Variants in SLC41A2 observed in about 807,000 individuals in gnomAD.
The protein encoded by SLC41A2 is SLC41A1-like 1.
A neutral mutation model predicts 58.3 loss-of-function variants in SLC41A2; 32 were observed. The ratio of observed to expected loss-of-function variants is 0.55; its 90% CI spans 0.41 to 0.74. SLC41A2 has a LOEUF of 0.74. Among genes scored for constraint, SLC41A2 ranks in the 30% least tolerant of loss-of-function variants. SLC41A2 has a pLI of 0.00. For missense variants in SLC41A2, 514 were observed against 680.6 expected, an observed-to-expected ratio of 0.76 and a Z score of 2.72; for synonymous variants, 190 against 235.0, an observed-to-expected ratio of 0.81 and a Z score of 1.75.
intron 4 of SLC41A2, among the ~76,000 whole-genome samples, chr12:104,891,009 C>G (rs192260924): frequency 1.3e-5 from 2 of 152,296 alleles, no homozygotes; most frequent in Admixed American, 1.3e-4. Flanking sequence ...CCCTCCCACA[C>G]TCATCATCTA....
At chr12:104,933,384 T>C (rs780944631) in intron 1 of SLC41A2, among the ~76,000 whole-genome samples, 4 of 152,146 alleles carry the variant, frequency 2.6e-5, no homozygotes, top group Non-Finnish European at 4.4e-5. Context: ...AAACAATAGA[T>C]GTTATCATGG....
At position 104,854,572 on chromosome 12, in the gene SLC41A2, A is replaced by AAC. The variant is rs538154569; in HGVS notation, c.1255+6718_1255+6719insGT. Among the ~76,000 whole-genome samples the AAC allele has an allele frequency of 7.3e-3, 1,083 of 147,854 alleles. 8 individuals carry two copies. The highest frequency in any genetic ancestry group is 0.018 in the African/African-American group (710 of 39,852). On this transcript the variant is annotated intron_variant, in intron 8 of 10. Transcript: ENST00000258538. ...AGCCAGACTCCGTCTCAAAAAAACA[A>AAC]AAAAAAAAAAACACCGCCTTAGATC...
At chr12:104,945,194 A>T (rs2047665233) in intron 1 of SLC41A2, among the ~76,000 whole-genome samples, 2 of 150,904 alleles carry the variant, frequency 1.3e-5, no homozygotes, top group African/African-American at 2.4e-5. Flanking sequence ...ATAAAAATAA[A>T]AAGTAAGAAA....
At chr12:104,862,924 G>A (rs903776847) in intron 7 of SLC41A2, among the ~76,000 whole-genome samples, 3 of 152,112 alleles carry the variant, frequency 2.0e-5, no homozygotes, top group Non-Finnish European at 2.9e-5. Flanking sequence ...CAATTTTGAT[G>A]AATACAATAC....
intron 1 of SLC41A2, among the ~76,000 whole-genome samples, chr12:104,932,920 C>A (rs1236320041): frequency 6.6e-6 from 1 of 151,828 alleles, no homozygotes; most frequent in Non-Finnish European, 1.5e-5. Context: ...TACCTAAAGC[C>A]ATAAAAATTC....
chr12:104,814,455 CTAA>C (rs1239494603), intron 10 of SLC41A2, among the ~76,000 whole-genome samples: 3 of 152,166 alleles, frequency 2.0e-5, no homozygotes, highest in Non-Finnish European at 4.4e-5. Context: ...TTGTAGGGAT[CTAA>C]TGTGTCAATC....
At chr12:104,918,642 A>AAC (rs1173589886) in intron 2 of SLC41A2, among the ~76,000 whole-genome samples, 1 of 151,346 alleles carries the variant, frequency 6.6e-6, no homozygotes. Context: ...AAAAAAAAAA[A>AAC]AAAAACTAAA....
At chr12:104,847,363 G>A (rs56130052) in intron 8 of SLC41A2, among the ~76,000 whole-genome samples, 39 of 151,980 alleles carry the variant, frequency 2.6e-4, no homozygotes, top group Non-Finnish European at 3.1e-4. Flanking sequence ...CAGCACTTTG[G>A]GGGGCCGAGG....
chr12:104,924,100 G>A (rs1478450930), intron 2 of SLC41A2, among the ~76,000 whole-genome samples: 1 of 151,978 alleles, frequency 6.6e-6, no homozygotes, highest in Non-Finnish European at 1.5e-5. Context: ...ACAAATAACA[G>A]CTCCCATAAA....
chr12:104,895,827 A>C (rs921576815), intron 3 of SLC41A2, among the ~76,000 whole-genome samples: 11 of 152,200 alleles, frequency 7.2e-5, no homozygotes, highest in Non-Finnish European at 1.0e-4. Flanking sequence ...AACTGTTAGC[A>C]ATAAAATTCA....
At chr12:104,825,885 C>T (rs1221499550) in intron 10 of SLC41A2, among the ~76,000 whole-genome samples, 1 of 152,188 alleles carries the variant, frequency 6.6e-6, no homozygotes, top group Non-Finnish European at 1.5e-5. Context: ...TTGCCAACAA[C>T]AGGGAGAATG....
At chr12:104,858,115 C>T (rs2043084955) in intron 8 of SLC41A2, among the ~76,000 whole-genome samples, 1 of 152,142 alleles carries the variant, frequency 6.6e-6, no homozygotes, top group African/African-American at 2.4e-5. Context: ...ACAGAACTCA[C>T]TTTTCAAGTT....
intron 10 of SLC41A2, among the ~76,000 whole-genome samples, chr12:104,835,884 C>T (rs1592964077): frequency 6.6e-6 from 1 of 151,930 alleles, no homozygotes. Flanking sequence ...TGCTCTGTTG[C>T]CCAGGCTGGA....
intron 10 of SLC41A2, among the ~76,000 whole-genome samples, chr12:104,836,148 C>T (rs1425583927): frequency 6.6e-6 from 1 of 152,192 alleles, no homozygotes; most frequent in Non-Finnish European, 1.5e-5. Flanking sequence ...CAGCCCCAAA[C>T]TTATTCTTAT....
rs1474487313 is a variant in SLC41A2, at chr12:104,942,156, AC to A, written c.-167-13463del. Among the ~76,000 whole-genome samples, 5 of 152,092 alleles carry A rather than the reference AC, an allele frequency of 3.3e-5. No individual in the cohort carries two copies. The East Asian group carries it at 9.6e-4, about 29-fold the overall frequency. The stretch of plus-strand genomic sequence containing the variant: ...CTTACATGTATCTTATTTTTAAAAA[AC>A]CACCAAACACTTAATGACTCTCTCT... On this transcript the variant is annotated intron_variant, in intron 1 of 10. Coordinates refer to ENST00000258538, the MANE Select transcript of SLC41A2 (RefSeq NM_001352171.3).
intron 10 of SLC41A2, among the ~76,000 whole-genome samples, chr12:104,823,141 C>T (rs1293954857): frequency 1.3e-5 from 2 of 152,128 alleles, no homozygotes; most frequent in Non-Finnish European, 2.9e-5. Flanking sequence ...TAGAGCATCA[C>T]ATAAGGATTT....
At chr12:104,945,715 A>T (rs2047694342) in intron 1 of SLC41A2, among the ~76,000 whole-genome samples, 1 of 152,202 alleles carries the variant, frequency 6.6e-6, no homozygotes, top group East Asian at 1.9e-4. Context: ...GTCTCAATCA[A>T]TATTCTACAG....
chr12:104,921,393 T>C (rs2046587722), intron 2 of SLC41A2, among the ~76,000 whole-genome samples: 1 of 149,026 alleles, frequency 6.7e-6, no homozygotes, highest in Non-Finnish European at 1.5e-5. Context: ...AAAGAAGAAA[T>C]AACATGTGAA....
intron 10 of SLC41A2, among the ~76,000 whole-genome samples, chr12:104,813,778 G>C (rs1174063752): frequency 3.9e-5 from 6 of 152,076 alleles, no homozygotes; most frequent in African/African-American, 1.4e-4. Context: ...TAGGACTACA[G>C]GTGCGCACCA....
Sources: gnomAD v4.1 joint callset for allele counts (sites outside exome capture counted in the v4.1 genomes callset) on GRCh38, gnomAD v4.1.1 for gene constraint, MANE v1.5 for transcripts, NCBI Gene and HGNC (gene_info 2026-07-23, HGNC 2026-07-21) for gene names.